Variants in FAM107B observed in about 807,000 individuals in gnomAD.
FAM107B encodes the protein protein FAM107B.
FAM107B carries 21 observed loss-of-function variants against 31.5 expected under a neutral mutation model. That is an observed-to-expected ratio of 0.67 (90% confidence interval 0.47 to 0.96). The LOEUF (loss-of-function observed/expected upper bound fraction) is 0.96, where lower values mean the gene tolerates loss of function less well. FAM107B is among the 40% of genes least tolerant of loss of function. The probability of loss-of-function intolerance (pLI) is 0.00; values close to 1 mark genes in which losing one functional copy is unlikely to be tolerated. For synonymous variants in FAM107B, 157 were observed against 141.5 expected, an observed-to-expected ratio of 1.11 and a Z score of -0.78; for missense variants, 452 against 377.1, an observed-to-expected ratio of 1.20 and a Z score of -1.64.
At chr10:14,593,606 A>G (rs1249877528) in intron 2 of FAM107B, among the ~76,000 whole-genome samples, 1 of 152,058 alleles carries the variant, frequency 6.6e-6, no homozygotes, top group Non-Finnish European at 1.5e-5. Context: ...AGGCAGGAGA[A>G]TCGCTTGAAC....
At chr10:14,705,015 C>A (rs1855486485) in intron 1 of FAM107B, among the ~76,000 whole-genome samples, 1 of 105,086 alleles carries the variant, frequency 9.5e-6, no homozygotes, top group Admixed American at 1.1e-4. Flanking sequence ...TGGAGTGAGA[C>A]CCTGTCACAA....
intron 2 of FAM107B, among the ~76,000 whole-genome samples, chr10:14,546,979 C>T (rs1848753865): frequency 6.6e-6 from 1 of 152,192 alleles, no homozygotes; most frequent in Non-Finnish European, 1.5e-5. Context: ...AATCTCCTAC[C>T]TCCTAGATAA....
intron 1 of FAM107B, among the ~76,000 whole-genome samples, chr10:14,738,900 C>T (rs1245852729): frequency 6.6e-6 from 1 of 152,228 alleles, no homozygotes; most frequent in African/African-American, 2.4e-5. Flanking sequence ...ATTTTGCTCA[C>T]AACTTTGTGG....
intron 2 of FAM107B, among the ~76,000 whole-genome samples, chr10:14,645,600 TAAAG>T (rs1401826380): frequency 6.6e-6 from 1 of 152,200 alleles, no homozygotes; most frequent in Non-Finnish European, 1.5e-5. Context: ...ATGTGGCTGT[TAAAG>T]AGAGAACCTC....
At chr10:14,697,498 G>A (rs1219714314) in intron 1 of FAM107B, among the ~76,000 whole-genome samples, 1 of 152,232 alleles carries the variant, frequency 6.6e-6, no homozygotes, top group African/African-American at 2.4e-5. Context: ...CAAACAATGT[G>A]TAAACTACTG....
At chr10:14,718,187 T>C (rs1400677043) in intron 1 of FAM107B, among the ~76,000 whole-genome samples, 1 of 151,954 alleles carries the variant, frequency 6.6e-6, no homozygotes, top group African/African-American at 2.4e-5. Context: ...ATTAGCTGAA[T>C]GTGGTGGCAC....
intron 1 of FAM107B, among the ~76,000 whole-genome samples, chr10:14,685,618 A>G (rs944927461): frequency 2.6e-5 from 4 of 152,140 alleles, no homozygotes; most frequent in Non-Finnish European, 4.4e-5. Context: ...TCACTTACAT[A>G]AAGTTCAGAC....
At chr10:14,527,156 A>C (rs560778200) in intron 3 of FAM107B, among the ~76,000 whole-genome samples, 107 of 152,038 alleles carry the variant, frequency 7.0e-4, no homozygotes, top group African/African-American at 2.5e-3. Flanking sequence ...TGTTTTTTTA[A>C]AGATCCCTTC....
chr10:14,522,520 A>G (rs1169804206), intron 3 of FAM107B, among the ~76,000 whole-genome samples: 3 of 151,904 alleles, frequency 2.0e-5, no homozygotes, highest in Non-Finnish European at 2.9e-5. Context: ...GGTTCAAGCA[A>G]TTCTCCTGCC....
intron 2 of FAM107B, among the ~76,000 whole-genome samples, chr10:14,588,266 TAG>T (rs1284404911): frequency 6.6e-6 from 1 of 151,868 alleles, no homozygotes; most frequent in East Asian, 1.9e-4. Flanking sequence ...GCAGTCCTGG[TAG>T]AGTCAGTCAT....
intron 1 of FAM107B, among the ~76,000 whole-genome samples, chr10:14,684,827 CTT>C (rs55845510): frequency 4.1e-5 from 6 of 147,532 alleles, no homozygotes; most frequent in Non-Finnish European, 3.0e-5. Flanking sequence ...TTTTGTTTTT[CTT>C]TTTTTTTTTG....
chr10:14,560,733 G>A (rs1850171102), intron 2 of FAM107B, among the ~76,000 whole-genome samples: 1 of 152,194 alleles, frequency 6.6e-6, no homozygotes, highest in Non-Finnish European at 1.5e-5. Context: ...TGGTGCACCA[G>A]TTTATTCTCA....
chr10:14,574,245 G>A (rs1458960259), intron 2 of FAM107B, among the ~76,000 whole-genome samples: 2 of 152,206 alleles, frequency 1.3e-5, no homozygotes, highest in Non-Finnish European at 2.9e-5. Context: ...ATCTGTAAGA[G>A]TGAACTGTTA....
chr10:14,744,055 A>C lies in FAM107B; in HGVS notation c.411+30198T>G, dbSNP rs528589225. On this transcript the variant is annotated intron_variant, in intron 1 of 4. Coordinates refer to ENST00000181796, the MANE Select transcript of FAM107B (RefSeq NM_031453.4). Reference sequence around the variant, plus strand: ...GGGCAGTGGTTTGTAGTTCTCCTTGAAGAGGTCCTTCCCTTGTTAGCTGTA... The same window carrying C: ...GGGCAGTGGTTTGTAGTTCTCCTTGCAGAGGTCCTTCCCTTGTTAGCTGTA... 7.2e-5 allele frequency among the ~76,000 whole-genome samples: 11 copies of C among 152,212 alleles called. No homozygotes were observed. In the East Asian group the frequency reaches 2.1e-3, roughly 29 times the overall value.
chr10:14,581,271 A>G (rs1272725383), intron 2 of FAM107B, among the ~76,000 whole-genome samples: 1 of 152,212 alleles, frequency 6.6e-6, no homozygotes, highest in Non-Finnish European at 1.5e-5. Context: ...TTTTCCTGAC[A>G]GGGATCTGGA....
At chr10:14,660,576 A>C (rs1418005392) in intron 2 of FAM107B, among the ~76,000 whole-genome samples, 1 of 152,346 alleles carries the variant, frequency 6.6e-6, no homozygotes, top group Non-Finnish European at 1.5e-5. Flanking sequence ...AAAATTAGTA[A>C]GTGAAGGATC....
At chr10:14,600,209 C>G (rs972378868) in intron 2 of FAM107B, among the ~76,000 whole-genome samples, 5 of 152,236 alleles carry the variant, frequency 3.3e-5, no homozygotes, top group Non-Finnish European at 2.9e-5. Context: ...GGAATCCAGG[C>G]CAGCTCAGGA....
intron 2 of FAM107B, among the ~76,000 whole-genome samples, chr10:14,551,544 C>A (rs1181440385): frequency 6.6e-6 from 1 of 151,020 alleles, no homozygotes. Context: ...AGTACATAAA[C>A]ACAGTGGTAC....
intron 3 of FAM107B, among the ~76,000 whole-genome samples, chr10:14,528,354 G>C (rs926896062): frequency 4.0e-5 from 6 of 151,724 alleles, no homozygotes; most frequent in Admixed American, 3.9e-4. Flanking sequence ...GCTAATTTTT[G>C]TATTTTTAGT....
Sources: allele counts gnomAD v4.1 joint callset (sites outside exome capture counted in the v4.1 genomes callset), GRCh38; gene constraint gnomAD v4.1.1; transcripts MANE v1.5; gene names NCBI Gene and HGNC (gene_info 2026-07-23, HGNC 2026-07-21).